DAB1: variants seen among roughly 807,000 people sequenced by gnomAD.
The protein encoded by DAB1 is DAB adaptor protein 1, also known as disabled homolog 1.
A neutral mutation model predicts 64.6 loss-of-function variants in DAB1; 15 were observed. The observed-to-expected ratio is 0.23, with a 90% CI of 0.16 to 0.36. The LOEUF (loss-of-function observed/expected upper bound fraction) is 0.36, where lower values mean the gene tolerates loss of function less well. Ranked by LOEUF, DAB1 falls within the 10% of genes least tolerant of loss-of-function variation. The pLI is 1.00. For missense variants in DAB1, 596 were observed against 706.7 expected (o/e 0.84, Z 1.78); for synonymous variants, 235 against 251.9 (o/e 0.93, Z 0.64).
intron 3 of DAB1, among the ~76,000 whole-genome samples, chr1:58,378,555 G>A (rs1409226624): frequency 0.022 from 564 of 25,544 alleles, no homozygotes; most frequent in African/African-American, 0.042. Context: ...CTCCAGCTGC[G>A]TGCTGGGAGA....
chr1:57,779,186 G>C (rs1275436483), intron 6 of DAB1, among the ~76,000 whole-genome samples: 1 of 152,042 alleles, frequency 6.6e-6, no homozygotes, highest in East Asian at 1.9e-4. Flanking sequence ...AGTCTTCTCT[G>C]GGGGGTTAAC....
intron 2 of DAB1, among the ~76,000 whole-genome samples, chr1:57,270,699 A>T (rs1412480477): frequency 6.6e-6 from 1 of 152,222 alleles, no homozygotes; most frequent in Admixed American, 6.5e-5. Context: ...GGTGCTGGTG[A>T]CCCTGCAATG....
chr1:58,045,935 A>ATTT (rs61118687), intron 5 of DAB1, among the ~76,000 whole-genome samples: 1 of 145,142 alleles, frequency 6.9e-6, no homozygotes, highest in Non-Finnish European at 1.5e-5. Flanking sequence ...AAGATTATCA[A>ATTT]TTTTTTTTTT....
intron 3 of DAB1, among the ~76,000 whole-genome samples, chr1:58,459,204 T>C (rs1645220042): frequency 6.6e-6 from 1 of 152,240 alleles, no homozygotes; most frequent in South Asian, 2.1e-4. Context: ...TTGCGTTATC[T>C]ACTGCAATGT....
rs537288372 is a variant in DAB1, at chr1:57,434,101, C to T, written n.626-142935G>A. On this transcript the variant is annotated intron_variant and non_coding_transcript_variant, in intron 7 of 20. Transcript: ENST00000485760. ...GGCACTTTCTTATAAAGTTAAACAT[C>T]CACCTACTCAGGAGTACTTGTAGGT... Among the ~76,000 whole-genome samples the T allele has an allele frequency of 2.0e-5, 3 of 152,230 alleles. No individual in the cohort carries two copies. In the South Asian group the frequency reaches 6.2e-4, roughly 32 times the overall value.
intron 6 of DAB1, among the ~76,000 whole-genome samples, chr1:57,735,345 C>T (rs545833973): frequency 2.0e-5 from 3 of 152,258 alleles, no homozygotes; most frequent in East Asian, 1.9e-4. Flanking sequence ...ATAATTCCTG[C>T]CCCTGCCTAT....
At chr1:57,033,405 T>C in intron 9 of DAB1, 1 of 1,612,912 alleles carries the variant, frequency 6.2e-7, no homozygotes, top group Non-Finnish European at 8.5e-7. Flanking sequence ...CTCAAAAATC[T>C]CATCAAAGTC....
intron 1 of DAB1, among the ~76,000 whole-genome samples, chr1:57,874,622 G>A (rs1328006465): frequency 2.0e-5 from 3 of 152,098 alleles, no homozygotes; most frequent in Non-Finnish European, 4.4e-5. Context: ...AAATCAGCCA[G>A]GCCACTGCAG....
chr1:57,917,175 T>C (rs1257387514), intron 5 of DAB1, among the ~76,000 whole-genome samples: 1 of 152,110 alleles, frequency 6.6e-6, no homozygotes, highest in African/African-American at 2.4e-5. Context: ...CTCTCCCATG[T>C]TCCCCTCCCC....
chr1:57,879,631 T>C (rs1644111037), intron 1 of DAB1, among the ~76,000 whole-genome samples: 1 of 152,120 alleles, frequency 6.6e-6, no homozygotes, highest in Non-Finnish European at 1.5e-5. Flanking sequence ...AAATCAAGCC[T>C]AGTTTTCAGC....
At chr1:57,644,608 C>A (rs1208585448) in intron 7 of DAB1, among the ~76,000 whole-genome samples, 1 of 151,762 alleles carries the variant, frequency 6.6e-6, no homozygotes, top group Non-Finnish European at 1.5e-5. Flanking sequence ...TATGTACATA[C>A]ACACATATAT....
intron 6 of DAB1, among the ~76,000 whole-genome samples, chr1:57,718,983 C>T (rs1264663807): frequency 6.6e-6 from 1 of 151,914 alleles, no homozygotes; most frequent in Non-Finnish European, 1.5e-5. Context: ...AAGATGACAC[C>T]TGTTGGCAGT....
intron 1 of DAB1, among the ~76,000 whole-genome samples, chr1:57,356,172 A>T (rs958269335): frequency 1.3e-5 from 2 of 152,116 alleles, no homozygotes; most frequent in Non-Finnish European, 2.9e-5. Context: ...TTGAGTGCTA[A>T]GACAGTAAAA....
At position 57,456,619 on chromosome 1, in the gene DAB1, A is replaced by G. The variant is rs1686601920; in HGVS notation, n.626-165453T>C. Among the ~76,000 whole-genome samples the G allele has an allele frequency of 2.0e-5, 3 of 152,014 alleles. No individual in the cohort carries two copies. In the South Asian group the frequency reaches 6.2e-4, roughly 32 times the overall value. ...CTTCTCTCAATCCTCTCATAAAGGC[A>G]GAAAAAAAACTCATAAAAATATACC... On this transcript the variant is annotated intron_variant and non_coding_transcript_variant, in intron 7 of 20. Transcript: ENST00000485760.
intron 6 of DAB1, among the ~76,000 whole-genome samples, chr1:57,668,424 T>C (rs1439585359): frequency 1.3e-5 from 2 of 152,134 alleles, no homozygotes; most frequent in African/African-American, 4.8e-5. Context: ...GTTACTATTA[T>C]GAAATATAGG....
chr1:58,359,276 T>C (rs890902808), intron 3 of DAB1, among the ~76,000 whole-genome samples: 1 of 152,182 alleles, frequency 6.6e-6, no homozygotes, highest in Non-Finnish European at 1.5e-5. Flanking sequence ...CTCGAAGATA[T>C]AATGGCATTT....
intron 7 of DAB1, among the ~76,000 whole-genome samples, chr1:57,569,082 C>T (rs1297464557): frequency 1.3e-5 from 2 of 150,212 alleles, no homozygotes; most frequent in Non-Finnish European, 3.0e-5. Context: ...CACGGTGAAA[C>T]CCCGTCTCTA....
intron 6 of DAB1, among the ~76,000 whole-genome samples, chr1:57,805,395 C>A (rs748494218): frequency 6.6e-6 from 1 of 152,148 alleles, no homozygotes; most frequent in African/African-American, 2.4e-5. Context: ...TATTGAGAGA[C>A]CTTTATATGA....
chr1:58,090,894 G>A (rs1650614317), intron 5 of DAB1, among the ~76,000 whole-genome samples: 1 of 152,140 alleles, frequency 6.6e-6, no homozygotes, highest in South Asian at 2.1e-4. Context: ...TATTCTGAAG[G>A]GTGAGTACGA....
Sources: gnomAD v4.1 joint callset for allele counts (sites outside exome capture counted in the v4.1 genomes callset) on GRCh38, gnomAD v4.1.1 for gene constraint, MANE v1.5 for transcripts, NCBI Gene and HGNC (gene_info 2026-07-23, HGNC 2026-07-21) for gene names.